The following ERC1 variants were observed in gnomAD, a reference collection of about 807,000 sequenced individuals.
ERC1 encodes the protein RAB6 interacting protein 2.
Under a neutral mutation model 132.0 loss-of-function variants are expected in ERC1, and 56 were observed. That is an observed-to-expected ratio of 0.42 (90% CI 0.34 to 0.53). The LOEUF is 0.53. Among genes scored for constraint, ERC1 ranks in the 20% least tolerant of loss-of-function variants. The pLI, the probability that ERC1 is intolerant of heterozygous loss-of-function variation, is 0.03. For synonymous variants in ERC1, 478 were observed against 476.1 expected (o/e 1.00, Z -0.05); for missense variants, 1,202 against 1,349.9 (o/e 0.89, Z 1.72).
intron 8 of ERC1, among the ~76,000 whole-genome samples, chr12:1,153,417 C>T (rs1180403006): frequency 6.6e-6 from 1 of 152,176 alleles, no homozygotes; most frequent in Non-Finnish European, 1.5e-5. Flanking sequence ...TTTAACTGTG[C>T]CTTCAGAATA....
intron 3 of ERC1, among the ~76,000 whole-genome samples, chr12:1,093,957 C>CTCTATATATATATATATATATA (rs1555236197): frequency 1.5e-5 from 1 of 68,910 alleles, no homozygotes; most frequent in Admixed American, 2.0e-4. Flanking sequence ...ATATATTTTT[C>CTCTATATATATATATATATATA]TATATATATA....
intron 7 of ERC1, among the ~76,000 whole-genome samples, chr12:1,134,223 T>C (rs1228364262): frequency 6.6e-6 from 1 of 152,096 alleles, no homozygotes; most frequent in East Asian, 1.9e-4. Flanking sequence ...ATTAAAGAGA[T>C]TTGCAAAAAT....
At chr12:1,423,923 G>A (rs1199053829) in intron 17 of ERC1, among the ~76,000 whole-genome samples, 1 of 152,152 alleles carries the variant, frequency 6.6e-6, no homozygotes, top group Non-Finnish European at 1.5e-5. Context: ...AAAGGTAGAT[G>A]TAAATATTGT....
intron 15 of ERC1, among the ~76,000 whole-genome samples, chr12:1,302,787 A>C (rs7968223): frequency 0.4 from 60,180 of 151,650 alleles, 12,375 homozygotes; most frequent in Middle Eastern, 0.52. Context: ...GCAACATAGA[A>C]CCTGTCGCTA....
intron 15 of ERC1, among the ~76,000 whole-genome samples, chr12:1,366,664 A>G (rs1566689700): frequency 6.6e-6 from 1 of 152,204 alleles, no homozygotes; most frequent in Non-Finnish European, 1.5e-5. Flanking sequence ...GTAGGACAGT[A>G]TAGAATGATG....
chr12:1,345,187 C>CTTCTTTTTTTTT (rs1555368776), intron 15 of ERC1, among the ~76,000 whole-genome samples: 1 of 131,490 alleles, frequency 7.6e-6, no homozygotes, highest in African/African-American at 3.0e-5. Context: ...AATATTTCTT[C>CTTCTTTTTTTTT]TTTTTTTTTT....
At chr12:1,414,038 C>G (rs2091983938) in intron 17 of ERC1, among the ~76,000 whole-genome samples, 1 of 152,150 alleles carries the variant, frequency 6.6e-6, no homozygotes, top group Admixed American at 6.5e-5. Flanking sequence ...CTCCCATGCC[C>G]AGTTCGCAGT....
intron 15 of ERC1, among the ~76,000 whole-genome samples, chr12:1,312,771 T>G (rs1252688284): frequency 6.6e-6 from 1 of 152,196 alleles, no homozygotes; most frequent in Non-Finnish European, 1.5e-5. Context: ...GCTTGAGTCA[T>G]CCACTATATT....
At chr12:1,231,605 G>A (rs747380363) in intron 12 of ERC1, among the ~76,000 whole-genome samples, 4 of 151,384 alleles carry the variant, frequency 2.6e-5, no homozygotes, top group Middle Eastern at 6.8e-3. Context: ...GGTCTAGTGC[G>A]ATGAACTCTG....
intron 12 of ERC1, among the ~76,000 whole-genome samples, chr12:1,212,614 C>A (rs75161561): frequency 1.1e-3 from 171 of 152,224 alleles, no homozygotes; most frequent in African/African-American, 3.8e-3. Flanking sequence ...GGCTTGTGTA[C>A]GATTCGAACG....
In ERC1 at chr12:1,270,629, G is replaced by A. The variant is rs368602084; in HGVS notation, c.2619+7464G>A. On this transcript the variant is annotated intron_variant, in intron 14 of 18. Transcript: ENST00000360905. ...TAATAAGATACATTTTAATTAAAATGTATTCATGTTTAATAATAATTTTCT... is the reference window on the plus strand; with the variant it reads ...TAATAAGATACATTTTAATTAAAATATATTCATGTTTAATAATAATTTTCT... Among the ~76,000 whole-genome samples, 42 of 151,730 alleles carry A rather than the reference G, an allele frequency of 2.8e-4. No individual in the cohort carries two copies. The East Asian group carries it at 5.4e-3, about 19-fold the overall frequency.
intron 17 of ERC1, chr12:1,443,928 G>A (rs1565452229): frequency 6.6e-6 from 1 of 152,286 alleles, no homozygotes; most frequent in Non-Finnish European, 1.5e-5. Context: ...TGAGTCAGGT[G>A]TTTGGTGTTA....
chr12:1,168,165 G>T (rs1037556928), intron 8 of ERC1, among the ~76,000 whole-genome samples: 3 of 152,056 alleles, frequency 2.0e-5, no homozygotes, highest in Non-Finnish European at 2.9e-5. Flanking sequence ...CTGTCACCCA[G>T]GCTGCCGTGT....
At chr12:1,456,813 G>C (rs1430584061) in intron 18 of ERC1, among the ~76,000 whole-genome samples, 1 of 151,868 alleles carries the variant, frequency 6.6e-6, no homozygotes, top group African/African-American at 2.4e-5. Flanking sequence ...TCTCAGAGAG[G>C]GTGGGGCCCT....
At chr12:1,244,244 A>G (rs981164031) in intron 13 of ERC1, among the ~76,000 whole-genome samples, 1 of 152,182 alleles carries the variant, frequency 6.6e-6, no homozygotes, top group Non-Finnish European at 1.5e-5. Flanking sequence ...ATGACTGGTT[A>G]TATTTTTGGT....
intron 16 of ERC1, among the ~76,000 whole-genome samples, chr12:1,400,951 T>G (rs1775890348): frequency 2.4e-5 from 3 of 122,774 alleles, no homozygotes; most frequent in Admixed American, 1.8e-4. Context: ...TTTTTTTTTT[T>G]TTGTGACGGA....
intron 2 of ERC1, among the ~76,000 whole-genome samples, chr12:1,063,517 C>T (rs1376953799): frequency 6.6e-6 from 1 of 152,186 alleles, no homozygotes. Context: ...CTGCCTTGGC[C>T]TCCCAAAGTG....
intron 1 of ERC1, among the ~76,000 whole-genome samples, chr12:993,777 C>T (rs1220255495): frequency 6.6e-6 from 1 of 152,166 alleles, no homozygotes; most frequent in South Asian, 2.1e-4. Context: ...TGGCACATGC[C>T]TGTAATCCCA....
chr12:1,440,236 G>A (rs1449657961), intron 17 of ERC1, among the ~76,000 whole-genome samples: 4 of 109,160 alleles, frequency 3.7e-5, no homozygotes, highest in South Asian at 5.7e-4. Context: ...ACAGAGTCTT[G>A]CTCTGTCGCC....
Sources: gnomAD v4.1 joint callset for allele counts (sites outside exome capture counted in the v4.1 genomes callset) on GRCh38, gnomAD v4.1.1 for gene constraint, MANE v1.5 for transcripts, NCBI Gene and HGNC (gene_info 2026-07-23, HGNC 2026-07-21) for gene names.